SNTG2: variants seen among roughly 807,000 people sequenced by gnomAD.
The protein encoded by SNTG2 is syntrophin gamma 2.
Under a neutral mutation model 70.9 loss-of-function variants are expected in SNTG2, and 74 were observed. The observed-to-expected ratio is 1.04, with a 90% CI of 0.86 to 1.27. SNTG2 has a LOEUF of 1.27. Among genes scored for constraint, SNTG2 ranks in the 50% most tolerant of loss-of-function variants. SNTG2 has a pLI of 0.00. For missense variants in SNTG2, 717 were observed against 690.7 expected, an observed-to-expected ratio of 1.04 and a Z score of -0.43; for synonymous variants, 278 against 273.8, an observed-to-expected ratio of 1.02 and a Z score of -0.15.
At position 1,259,352 on chromosome 2, in the gene SNTG2, G is replaced by A. The variant is rs767085974; in HGVS notation, c.1006-18G>A. The A allele has an allele frequency of 7.4e-6, 12 of 1,613,112 alleles. No individual in the cohort carries two copies. Among genetic ancestry groups the A allele is most frequent in the Admixed American group, 5.0e-5 (3 of 59,888 alleles). On this transcript the variant is annotated intron_variant, in intron 12 of 16. Transcript: ENST00000308624. The stretch of plus-strand genomic sequence containing the variant: ...AGTAGCATGCTGCTTTTCATGGAAC[G>A]TTCTCTGTTTCTTGCAGGTGAGCAC...
intron 6 of SNTG2, among the ~76,000 whole-genome samples, chr2:1,142,688 GTC>G (rs1201058077): frequency 6.6e-6 from 1 of 152,102 alleles, no homozygotes; most frequent in Admixed American, 6.6e-5. Flanking sequence ...AACCAATAGA[GTC>G]TCTCTCAAGT....
intron 1 of SNTG2, among the ~76,000 whole-genome samples, chr2:1,065,608 TTTTTG>T (rs1382610426): frequency 1.3e-5 from 2 of 152,246 alleles, no homozygotes; most frequent in African/African-American, 4.8e-5. Context: ...AAAGGAGGCA[TTTTTG>T]TTTTTGTTAA....
chr2:1,264,445 G>A (rs919790277), intron 13 of SNTG2, among the ~76,000 whole-genome samples: 6 of 152,116 alleles, frequency 3.9e-5, no homozygotes, highest in Non-Finnish European at 7.4e-5. Context: ...GTCCAGTAAC[G>A]TAAACCTTGA....
At chr2:1,188,880 G>T (rs184153984) in intron 8 of SNTG2, among the ~76,000 whole-genome samples, 46 of 152,124 alleles carry the variant, frequency 3.0e-4, no homozygotes, top group African/African-American at 1.1e-3. Context: ...TATTTTTAAT[G>T]GTGAATCTTT....
intron 4 of SNTG2, among the ~76,000 whole-genome samples, chr2:1,136,189 C>G (rs1668370744): frequency 6.6e-6 from 1 of 152,024 alleles, no homozygotes; most frequent in Admixed American, 6.6e-5. Context: ...TGTAATGCTT[C>G]TGAGGCCCCG....
rs187038234 is a variant in SNTG2, at chr2:1,039,036, A to G, written c.73-44482A>G. ...ATCTGTAAGTTCATATGGAGTGTGC[A>G]TAAAGCTCCCACAGACTCATTTCTG... On this transcript the variant is annotated intron_variant, in intron 1 of 16. Coordinates refer to ENST00000308624, the MANE Select transcript of SNTG2 (RefSeq NM_018968.4). 9.8e-5 allele frequency among the ~76,000 whole-genome samples: 15 copies of G among 152,354 alleles called. No homozygotes were observed. In the East Asian group the frequency reaches 2.5e-3, roughly 25 times the overall value.
chr2:1,001,858 C>T (rs1255453746), intron 1 of SNTG2, among the ~76,000 whole-genome samples: 10 of 152,058 alleles, frequency 6.6e-5, no homozygotes, highest in Non-Finnish European at 1.3e-4. Flanking sequence ...TACCTGACTT[C>T]AAATTATACT....
chr2:1,219,895 T>C (rs778450741), intron 9 of SNTG2: 2 of 152,200 alleles, frequency 1.3e-5, no homozygotes, highest in Non-Finnish European at 2.9e-5. Context: ...CTCACCTTAT[T>C]TCAGAAGAAG....
At chr2:1,169,786 G>A (rs1021316004) in intron 7 of SNTG2, among the ~76,000 whole-genome samples, 2 of 152,148 alleles carry the variant, frequency 1.3e-5, no homozygotes, top group Non-Finnish European at 2.9e-5. Context: ...CACCCCACAC[G>A]TCCTCGGGCA....
At chr2:1,111,625 A>C (rs142619893) in intron 4 of SNTG2, among the ~76,000 whole-genome samples, 102 of 152,370 alleles carry the variant, frequency 6.7e-4, no homozygotes, top group South Asian at 1.4e-3. Flanking sequence ...TTTTAATTTA[A>C]ATATACATAA....
intron 16 of SNTG2, among the ~76,000 whole-genome samples, chr2:1,351,631 A>G (rs1194598865): frequency 2.2e-4 from 34 of 152,120 alleles, no homozygotes; most frequent in Admixed American, 2.2e-3. Context: ...GTTGTCATCT[A>G]CCCACTCGGC....
At chr2:1,327,811 G>A (rs1281713717) in intron 16 of SNTG2, among the ~76,000 whole-genome samples, 1 of 151,968 alleles carries the variant, frequency 6.6e-6, no homozygotes, top group East Asian at 1.9e-4. Context: ...AAAATATTTG[G>A]GTTTACTTAT....
chr2:1,101,431 G>C (rs980423154), intron 4 of SNTG2, among the ~76,000 whole-genome samples: 1 of 152,246 alleles, frequency 6.6e-6, no homozygotes, highest in African/African-American at 2.4e-5. Context: ...TTCAGGAACA[G>C]AAAGTCCTGG....
intron 6 of SNTG2, 127 bp downstream of exon 6, chr2:1,137,936 G>C: frequency 1.0e-6 from 1 of 967,442 alleles, no homozygotes; most frequent in Non-Finnish European, 1.6e-6. Context: ...AAAGCTCAAA[G>C]GTTTAGTAAA....
chr2:1,095,527 C>G (rs1435102859), intron 2 of SNTG2, among the ~76,000 whole-genome samples: 1 of 152,066 alleles, frequency 6.6e-6, no homozygotes, highest in Non-Finnish European at 1.5e-5. Context: ...TTTTTTCTTA[C>G]CTATCTTGTT....
At chr2:1,202,350 T>A (rs1028607131) in intron 8 of SNTG2, among the ~76,000 whole-genome samples, 2 of 151,964 alleles carry the variant, frequency 1.3e-5, no homozygotes, top group African/African-American at 4.8e-5. Context: ...ATAGGAAGAT[T>A]GATGTGTCAA....
intron 1 of SNTG2, among the ~76,000 whole-genome samples, chr2:1,008,867 C>T (rs1356320719): frequency 7.9e-5 from 12 of 152,118 alleles, no homozygotes; most frequent in Admixed American, 7.9e-4. Flanking sequence ...CATTTCAGTT[C>T]TTTCTGAAAG....
At chr2:1,113,337 T>C (rs1302137343) in intron 4 of SNTG2, among the ~76,000 whole-genome samples, 1 of 151,934 alleles carries the variant, frequency 6.6e-6, no homozygotes, top group African/African-American at 2.4e-5. Flanking sequence ...TTGAGAAGGA[T>C]CGTGTGTATT....
At chr2:1,116,485 T>G (rs1161991593) in intron 4 of SNTG2, among the ~76,000 whole-genome samples, 1 of 151,292 alleles carries the variant, frequency 6.6e-6, no homozygotes, top group East Asian at 2.0e-4. Context: ...TGCTTCGGTG[T>G]ATGGGTGCCC....
Sources: allele counts gnomAD v4.1 joint callset (sites outside exome capture counted in the v4.1 genomes callset), GRCh38; gene constraint gnomAD v4.1.1; transcripts MANE v1.5; gene names NCBI Gene and HGNC (gene_info 2026-07-23, HGNC 2026-07-21).